The following XKR9 variants were observed in gnomAD, a reference collection of about 807,000 sequenced individuals.
The protein encoded by XKR9 is XK-related protein 9.
XKR9 carries 32 observed loss-of-function variants against 32.0 expected under a neutral mutation model. The ratio of observed to expected loss-of-function variants is 1.00; its 90% CI spans 0.76 to 1.34. The LOEUF is 1.34. XKR9 is among the 40% of genes most tolerant of loss of function. The probability of loss-of-function intolerance (pLI) is 0.00; values close to 1 mark genes in which losing one functional copy is unlikely to be tolerated. For synonymous variants in XKR9, 168 were observed against 143.4 expected (o/e 1.17, Z -1.22); for missense variants, 546 against 429.7 (o/e 1.27, Z -2.39).
the XKR9 span, among the ~76,000 whole-genome samples, chr8:70,900,838 T>C: frequency 1.3e-5 from 2 of 151,792 alleles, no homozygotes; most frequent in Non-Finnish European, 2.9e-5. Context: ...GGCCCTGGTG[T>C]GTGATATTCC....
intron 2 of XKR9, among the ~76,000 whole-genome samples, chr8:70,771,973 A>G (rs565920870): frequency 6.6e-6 from 1 of 152,340 alleles, no homozygotes; most frequent in East Asian, 1.9e-4. Context: ...AGATTTAGAT[A>G]AACAAAATAA....
intron 2 of XKR9, among the ~76,000 whole-genome samples, chr8:70,759,229 AT>A (rs1321136518): frequency 6.6e-6 from 1 of 152,204 alleles, no homozygotes; most frequent in Non-Finnish European, 1.5e-5. Flanking sequence ...GCTTTTAATC[AT>A]GGAATTTTTT....
chr8:70,918,444 G>T, the XKR9 span, among the ~76,000 whole-genome samples: 1 of 152,148 alleles, frequency 6.6e-6, no homozygotes, highest in Non-Finnish European at 1.5e-5. Flanking sequence ...CCAAGTCAGG[G>T]ATTAAGGCCT....
the XKR9 span, among the ~76,000 whole-genome samples, chr8:70,892,987 CT>C: frequency 6.6e-6 from 1 of 151,944 alleles, no homozygotes; most frequent in Non-Finnish European, 1.5e-5. Context: ...CATTTGTTTG[CT>C]TAGTGGTGTT....
At chr8:70,982,669 G>A in the XKR9 span, among the ~76,000 whole-genome samples, 1 of 152,186 alleles carries the variant, frequency 6.6e-6, no homozygotes, top group East Asian at 1.9e-4. Flanking sequence ...CAGGAAGCCT[G>A]CAGTGGTGAT....
At chr8:70,804,049 C>T in the XKR9 span, among the ~76,000 whole-genome samples, 3 of 152,364 alleles carry the variant, frequency 2.0e-5, no homozygotes, top group East Asian at 3.9e-4. Flanking sequence ...CTATGGGCTA[C>T]AAGCTCTAGC....
intron 4 of XKR9, among the ~76,000 whole-genome samples, chr8:70,720,658 C>A (rs147664374): frequency 6.6e-6 from 1 of 152,074 alleles, no homozygotes; most frequent in Non-Finnish European, 1.5e-5. Context: ...CTGACTTGAT[C>A]GTGGTAGATA....
intron 2 of XKR9, chr8:70,781,123 G>T (rs531279180): frequency 7.9e-5 from 12 of 151,968 alleles, no homozygotes; most frequent in Admixed American, 2.0e-4. Flanking sequence ...GTATAAAGTG[G>T]TATTGCTTGC....
the XKR9 span, among the ~76,000 whole-genome samples, chr8:70,909,125 A>G: frequency 1.3e-5 from 2 of 152,018 alleles, no homozygotes; most frequent in East Asian, 1.9e-4. Context: ...CCAGATTCTC[A>G]CTAATCAATC....
At chr8:70,894,738 G>A in the XKR9 span, among the ~76,000 whole-genome samples, 1 of 152,152 alleles carries the variant, frequency 6.6e-6, no homozygotes, top group Non-Finnish European at 1.5e-5. Context: ...GTGTGGCTAA[G>A]GTGGTTTTTT....
At chr8:70,776,947 C>CTCTCTATATATATATA in intron 2 of XKR9, among the ~76,000 whole-genome samples, 109 of 54,204 alleles carry the variant, frequency 2.0e-3, no homozygotes, top group Middle Eastern at 0.013. Context: ...CTCTCTCTCT[C>CTCTCTATATATATATA]TATATATATA....
At chr8:70,968,697 T>C in the XKR9 span, among the ~76,000 whole-genome samples, 1 of 152,144 alleles carries the variant, frequency 6.6e-6, no homozygotes, top group African/African-American at 2.4e-5. Flanking sequence ...CACCATTCTA[T>C]AGGGCTTCTG....
chr8:70,743,932 C>A lies in XKR9; in HGVS notation n.352+36779C>A, dbSNP rs1902614. Among the ~76,000 whole-genome samples the A allele has an allele frequency of 2.6e-5, 4 of 151,746 alleles. No homozygotes were observed. The South Asian group carries it at 8.3e-4, about 32-fold the overall frequency. ...GCTGTGAAGTGCTTTGAGGTAATTA[C>A]CAGTGTTTTGTCCAGAGTTCATAGT... On this transcript the variant is annotated intron_variant and non_coding_transcript_variant, in intron 2 of 3. Transcript: ENST00000520273.
downstream of XKR9, among the ~76,000 whole-genome samples, chr8:70,793,821 T>G (rs1479151750): frequency 6.6e-6 from 1 of 152,042 alleles, no homozygotes; most frequent in Non-Finnish European, 1.5e-5. Flanking sequence ...TTTTCAAGAT[T>G]TCTTTGCCTG....
At chr8:70,831,683 A>G in the XKR9 span, among the ~76,000 whole-genome samples, 1 of 152,114 alleles carries the variant, frequency 6.6e-6, no homozygotes, top group Non-Finnish European at 1.5e-5. Flanking sequence ...TGAAACTTAT[A>G]TTCAGATTTC....
chr8:70,685,971 A>G (rs956420067), intron 3 of XKR9, among the ~76,000 whole-genome samples: 5 of 151,730 alleles, frequency 3.3e-5, no homozygotes, highest in South Asian at 2.1e-4. Flanking sequence ...TTTATCTTCA[A>G]TTATTCCTTT....
intron 2 of XKR9, among the ~76,000 whole-genome samples, chr8:70,770,605 C>T (rs890718614): frequency 6.6e-6 from 1 of 152,202 alleles, no homozygotes; most frequent in Non-Finnish European, 1.5e-5. Flanking sequence ...TTCAGAGAGG[C>T]CCTGCCCAGA....
chr8:70,681,189 C>T lies in XKR9; in HGVS notation c.131C>T (p.Ala44Val), dbSNP rs984841189. 6.2e-7 allele frequency: 1 copy of T among 1,613,498 alleles called. No individual in the cohort carries two copies. The highest frequency in any genetic ancestry group is 1.1e-5 in the South Asian group (1 of 91,064). Residue 44 changes from alanine (A) to valine (V), a missense_variant, in exon 3 of 5, where the codon GCG (alanine) becomes GTG (valine). Coordinates refer to ENST00000408926, the MANE Select transcript of XKR9 (RefSeq NM_001011720.2). ...GGACAGTATGTTTTTAGTGCTTTAG[C>T]GTTAAGCTTTATGCTTTTTGGAACA... ...HEGQYVFSAL[A>V]LSFMLFGTLV...
downstream of XKR9, among the ~76,000 whole-genome samples, chr8:70,793,320 G>T (rs145143628): frequency 4.3e-4 from 66 of 152,122 alleles, no homozygotes; most frequent in Non-Finnish European, 9.0e-4. Context: ...GGTCATGAAG[G>T]CTCTGCCCTC....
Sources: gnomAD v4.1 joint callset for allele counts (sites outside exome capture counted in the v4.1 genomes callset) on GRCh38, gnomAD v4.1.1 for gene constraint, MANE v1.5 for transcripts, NCBI Gene and HGNC (gene_info 2026-07-23, HGNC 2026-07-21) for gene names.